The following CAPZA1 variants were observed in gnomAD, a reference collection of about 807,000 sequenced individuals.
The protein encoded by CAPZA1 is F-actin-capping protein subunit alpha-1.
A neutral mutation model predicts 40.8 loss-of-function variants in CAPZA1; 10 were observed. That is an observed-to-expected ratio of 0.25 (90% confidence interval 0.15 to 0.42). The LOEUF is 0.42. CAPZA1 is among the 10% of genes least tolerant of loss of function. The probability of loss-of-function intolerance (pLI) is 1.00; values close to 1 mark genes in which losing one functional copy is unlikely to be tolerated. For synonymous variants in CAPZA1, 98 were observed against 115.0 expected (o/e 0.85, Z 0.95); for missense variants, 277 against 353.8 (o/e 0.78, Z 1.74).
intron 1 of CAPZA1, among the ~76,000 whole-genome samples, chr1:112,627,890 A>G (rs906758151): frequency 2.0e-5 from 3 of 148,692 alleles, no homozygotes; most frequent in Non-Finnish European, 4.5e-5. Flanking sequence ...AACCCAGGAG[A>G]CGGAGGTTGC....
chr1:112,668,342 A>G (rs958226414), intron 8 of CAPZA1, among the ~76,000 whole-genome samples: 1 of 152,206 alleles, frequency 6.6e-6, no homozygotes, highest in African/African-American at 2.4e-5. Context: ...TAATGATAAC[A>G]AACCCATTAC....
chr1:112,663,199 C>T (rs1053851795), intron 7 of CAPZA1, among the ~76,000 whole-genome samples: 5 of 151,720 alleles, frequency 3.3e-5, no homozygotes, highest in African/African-American at 7.3e-5. Flanking sequence ...CTCCTGACCT[C>T]GTGATGCGCC....
chr1:112,655,876 C>T (rs1213156485), intron 5 of CAPZA1, among the ~76,000 whole-genome samples: 1 of 152,134 alleles, frequency 6.6e-6, no homozygotes, highest in African/African-American at 2.4e-5. Flanking sequence ...TTTTCTTTTA[C>T]TCCCTCTTGA....
intron 6 of CAPZA1, chr1:112,659,339 GT>G (rs757486619): frequency 2.9e-5 from 16 of 545,236 alleles, no homozygotes; most frequent in Non-Finnish European, 4.6e-5. Flanking sequence ...GAAAATCTGA[GT>G]TTTACTTGGC....
chr1:112,644,184 CTTTTTTTTTTT>C (rs60802838), intron 1 of CAPZA1, among the ~76,000 whole-genome samples: 1 of 56,782 alleles, frequency 1.8e-5, no homozygotes, highest in Admixed American at 3.2e-4. Flanking sequence ...CTTCTCCCAG[CTTTTTTTTTTT>C]TTTTTTTTTT....
intron 1 of CAPZA1, among the ~76,000 whole-genome samples, chr1:112,625,192 A>T (rs1207948672): frequency 6.6e-6 from 1 of 152,170 alleles, no homozygotes; most frequent in African/African-American, 2.4e-5. Context: ...AGCATCTGCC[A>T]TCATTGGTGC....
intron 1 of CAPZA1, among the ~76,000 whole-genome samples, chr1:112,621,761 G>GTTT (rs11418884): frequency 3.6e-4 from 44 of 122,862 alleles, no homozygotes; most frequent in Non-Finnish European, 4.5e-4. Flanking sequence ...TTGGGTTATG[G>GTTT]TTTTTTTTTT....
chr1:112,626,812 C>T (rs1415848545), intron 1 of CAPZA1, among the ~76,000 whole-genome samples: 1 of 152,178 alleles, frequency 6.6e-6, no homozygotes, highest in Non-Finnish European at 1.5e-5. Flanking sequence ...TACAACTGCA[C>T]ATACAGATTG....
chr1:112,670,307 G>T lies in CAPZA1; in HGVS notation c.*175G>T. On this transcript the variant is annotated 3_prime_UTR_variant, in exon 10 of 10. Transcript: ENST00000263168. ...TATAGCGTTGTCTTGATTCTTTTGT[G>T]TTCTCTGCCTTGTAATTTTCTGTTA... The T allele has an allele frequency of 1.8e-5, 8 of 455,444 alleles. No homozygotes were observed. Among genetic ancestry groups the T allele is most frequent in the South Asian group, 1.2e-4 (3 of 25,032 alleles). 28.2% of individuals were successfully genotyped at this position (455,444 alleles called of 1,614,324 possible).
intron 4 of CAPZA1, 48 bp from the exon 5 acceptor site, chr1:112,654,417 G>T: frequency 8.1e-7 from 1 of 1,238,586 alleles, no homozygotes; most frequent in Non-Finnish European, 1.1e-6. Context: ...AAGGCAGTAA[G>T]AATTGTCTTT....
intron 1 of CAPZA1, among the ~76,000 whole-genome samples, chr1:112,622,153 CTT>C (rs1326476193): frequency 6.6e-6 from 1 of 151,786 alleles, no homozygotes; most frequent in Non-Finnish European, 1.5e-5. Flanking sequence ...TGTTTTTTAT[CTT>C]TGTTACATTT....
rs12034486 is a variant in CAPZA1 at position 112,626,683 on chromosome 1, T to A, written c.39+6800T>A. 1.4e-3 allele frequency among the ~76,000 whole-genome samples: 207 copies of A among 152,364 alleles called. 6 individuals are homozygous for A. In the East Asian group the frequency reaches 0.032, roughly 23 times the overall value. On this transcript the variant is annotated intron_variant, in intron 1 of 9. Transcript: ENST00000263168. ...CTTGAATTATTTTTAACAACATTTT[T>A]AATTATCTCTCTGCCTCAGGCCTCT...
intron 6 of CAPZA1, 28 bp from the exon 7 acceptor site, chr1:112,659,673 C>G (rs1182718148): frequency 1.3e-6 from 2 of 1,583,992 alleles, no homozygotes; most frequent in African/African-American, 2.7e-5. Flanking sequence ...ATTGCTAATT[C>G]TGCAATGTTG....
chr1:112,660,527 G>A (rs954031663), intron 7 of CAPZA1, among the ~76,000 whole-genome samples: 2 of 151,808 alleles, frequency 1.3e-5, no homozygotes, highest in African/African-American at 4.8e-5. Flanking sequence ...TGATCCACCC[G>A]CCTCGGCCTC....
At chr1:112,620,351 C>T (rs1670588538) in intron 1 of CAPZA1, 1 of 153,844 alleles carries the variant, frequency 6.5e-6, no homozygotes, top group Admixed American at 6.5e-5. Flanking sequence ...TTTTGCTCCT[C>T]CTTCCTCAGG....
chr1:112,664,707 TG>T (rs900958348), intron 7 of CAPZA1, among the ~76,000 whole-genome samples: 1 of 151,884 alleles, frequency 6.6e-6, no homozygotes, highest in Non-Finnish European at 1.5e-5. Context: ...GAGACCGAGG[TG>T]GGTGGATCAC....
intron 1 of CAPZA1, among the ~76,000 whole-genome samples, chr1:112,638,088 T>G (rs1260546534): frequency 6.6e-6 from 1 of 152,142 alleles, no homozygotes; most frequent in Non-Finnish European, 1.5e-5. Flanking sequence ...TTGTGAAGGT[T>G]GGAAGGGTAC....
At chr1:112,643,027 C>T (rs569917345) in intron 1 of CAPZA1, among the ~76,000 whole-genome samples, 4 of 151,914 alleles carry the variant, frequency 2.6e-5, no homozygotes, top group Admixed American at 1.3e-4. Context: ...GTAAAGATTA[C>T]GGGAAATGCA....
chr1:112,638,897 CATAGATATAGATATAGAT>C (rs71084484), intron 1 of CAPZA1, among the ~76,000 whole-genome samples: 7 of 139,118 alleles, frequency 5.0e-5, no homozygotes, highest in South Asian at 4.4e-4. Context: ...AGCGAGACTC[CATAGATATAGATATAGAT>C]ATAGATATAG....
Sources: allele counts gnomAD v4.1 joint callset (sites outside exome capture counted in the v4.1 genomes callset), GRCh38; gene constraint gnomAD v4.1.1; transcripts MANE v1.5; gene names NCBI Gene and HGNC (gene_info 2026-07-23, HGNC 2026-07-21).